NRXN2: variants seen among roughly 807,000 people sequenced by gnomAD.
NRXN2 encodes the protein neurexin 2.
Under a neutral mutation model 128.8 loss-of-function variants are expected in NRXN2, and 29 were observed. That is an observed-to-expected ratio of 0.23 (90% CI 0.17 to 0.31). The LOEUF is 0.31. Ranked by LOEUF, NRXN2 falls within the 10% of genes least tolerant of loss-of-function variation. The pLI is 1.00. For synonymous variants in NRXN2, 1,098 were observed against 1,075.2 expected, an observed-to-expected ratio of 1.02 and a Z score of -0.41; for missense variants, 1,881 against 2,452.6, an observed-to-expected ratio of 0.77 and a Z score of 4.92.
chr11:64,702,102 G>A (rs531286979), intron 2 of NRXN2, among the ~76,000 whole-genome samples: 80 of 147,476 alleles, frequency 5.4e-4, no homozygotes, highest in African/African-American at 1.9e-3. Flanking sequence ...CCCTCTGCCC[G>A]GCCAGCCGCC....
Position 64,608,038 on chromosome 11 carries a change from G to T in NRXN2, c.4297C>A (p.Pro1433Thr), listed in dbSNP as rs2039980437. Residue 1433 changes from proline to threonine, a missense_variant, in exon 23 of 23, where the codon CCC (proline) becomes ACC (threonine). Pro to Thr is a conservative substitution (Grantham distance 38). Coordinates refer to ENST00000265459, the MANE Select transcript of NRXN2 (RefSeq NM_015080.4). The part of the protein sequence containing the change: ...LPIITEDSLD[P>T]PPVATRSPFV... ...GGGGATCGGGTGGCCACGGGAGGGGGGTCTAAGGAGTCCTCCGTGATAATG... is the reference window on the plus strand; with the variant it reads ...GGGGATCGGGTGGCCACGGGAGGGGTGTCTAAGGAGTCCTCCGTGATAATG... 1.3e-6 allele frequency: 2 copies of T among 1,574,510 alleles called. No individual in the cohort carries two copies. Among genetic ancestry groups the T allele is most frequent in the Non-Finnish European group, 1.7e-6 (2 of 1,167,026 alleles).
In NRXN2 at chr11:64,606,406, T is replaced by G. The variant is rs1340538700; in HGVS notation, c.*790A>C. 3 of 152,250 alleles carry G rather than the reference T, an allele frequency of 2.0e-5. No individual in the cohort carries two copies. The highest frequency in any genetic ancestry group is 4.4e-5 in the Non-Finnish European group (3 of 68,068). The allele number at this position is 152,250 out of a possible 1,614,324, so 9.4% of individuals were successfully genotyped here. ...CTGCTCGTGGAATCTAGAGTATTTGTCTGTAATATATATCTGCATTTGCCT... is the reference window on the plus strand; with the variant it reads ...CTGCTCGTGGAATCTAGAGTATTTGGCTGTAATATATATCTGCATTTGCCT... On this transcript the variant is annotated 3_prime_UTR_variant, in exon 23 of 23. Coordinates refer to ENST00000265459, the MANE Select transcript of NRXN2 (RefSeq NM_015080.4).
intron 1 of NRXN2, among the ~76,000 whole-genome samples, chr11:64,719,185 G>A (rs2057373006): frequency 6.6e-6 from 1 of 152,120 alleles, no homozygotes; most frequent in Admixed American, 6.5e-5. Flanking sequence ...CGAGTGCCTA[G>A]TGTTTCCTCT....
At chr11:64,720,082 G>A (rs984379550) in intron 1 of NRXN2, among the ~76,000 whole-genome samples, 3 of 152,202 alleles carry the variant, frequency 2.0e-5, no homozygotes, top group Non-Finnish European at 4.4e-5. Flanking sequence ...CACTAGGTAG[G>A]GATGAGGATC....
intron 7 of NRXN2, among the ~76,000 whole-genome samples, chr11:64,673,880 T>C (rs1282886064): frequency 6.6e-6 from 1 of 151,842 alleles, no homozygotes; most frequent in Non-Finnish European, 1.5e-5. Context: ...TCTACTAAAA[T>C]ACAAAAAATT....
At position 64,622,475 on chromosome 11, in the gene NRXN2, A is replaced by AT. The variant is rs1396847603; in HGVS notation, c.4173+277dup. On this transcript the variant is annotated intron_variant, in intron 21 of 22. Transcript: ENST00000265459. This position sits in a 1 kb window ranked among gnomAD's most constrained non-coding sequence, Gnocchi z 4.3. Reference sequence around the variant, plus strand: ...CTTAGGTAGGGTGGTCTTCTCTCATATAACTGGGCCATCAAACTCCTCCCC... The same window carrying AT: ...CTTAGGTAGGGTGGTCTTCTCTCATATTAACTGGGCCATCAAACTCCTCCCC... Among the ~76,000 whole-genome samples, 2 of 152,198 alleles carry AT rather than the reference A, an allele frequency of 1.3e-5. No individual in the cohort carries two copies. The highest frequency in any genetic ancestry group is 2.4e-5 in the African/African-American group (1 of 41,452).
Position 64,635,376 on chromosome 11 carries a change from C to A in NRXN2, c.3480G>T (p.Thr1160=). Residue 1160 remains threonine, a synonymous_variant, in exon 18 of 23, where the codon ACG becomes ACT. Coordinates refer to ENST00000265459, the MANE Select transcript of NRXN2 (RefSeq NM_015080.4). This position sits in a 1 kb window ranked among gnomAD's most constrained non-coding sequence, Gnocchi z 4.8. ...AGCCCACGGCCAGGCGATCCATCCT[C>A]GTGCTGGGCCTGTCATTGGGGGGCC... The part of the protein sequence containing the change: ...YTWPPNDRPS[T]RMDRLAVGFS... 6.2e-7 allele frequency: 1 copy of A among 1,613,782 alleles called. No homozygotes were observed. The highest frequency in any genetic ancestry group is 8.5e-7 in the Non-Finnish European group (1 of 1,180,024).
Position 64,713,398 on chromosome 11 carries a change from A to C in NRXN2, c.302T>G (p.Leu101Arg). 6.7e-7 allele frequency: 1 copy of C among 1,482,570 alleles called. No individual in the cohort carries two copies. Among genetic ancestry groups the C allele is most frequent in the Non-Finnish European group, 8.9e-7 (1 of 1,121,402 alleles). The allele number at this position is 1,482,570 out of a possible 1,614,324, so 91.8% of individuals were successfully genotyped here. Residue 101 changes from leucine (L) to arginine (R), a missense_variant, in exon 2 of 23, where the codon CTG becomes CGG. Around this residue, in one of 7 missense-constraint regions of NRXN2, gnomAD observed 997 missense variants for 1,240.8 expected, o/e 0.80. Transcript: ENST00000265459. ...GTCGGCCACCGGCGTGTCCAGCTGC[A>C]GCGTGGCCGGCTCGGCGCACGAAAG... ...FTLSCAEPAT[L>R]QLDTPVADDR...
Position 64,650,652 on chromosome 11 carries a change from G to T in NRXN2, c.2919-14C>A. 6.2e-7 allele frequency: 1 copy of T among 1,613,804 alleles called. No homozygotes were observed. Among genetic ancestry groups the T allele is most frequent in the Non-Finnish European group, 8.5e-7 (1 of 1,179,704 alleles). ...TAGTGGATGTACCTGCCCCACAGTA[G>T]GGAGGAGACACTGGGTCAGGGCGGG... On this transcript the variant is annotated splice_polypyrimidine_tract_variant and intron_variant, in intron 14 of 22. Transcript: ENST00000265459.
intron 7 of NRXN2, among the ~76,000 whole-genome samples, chr11:64,674,204 T>C (rs1223757374): frequency 1.3e-5 from 2 of 152,030 alleles, no homozygotes; most frequent in Non-Finnish European, 2.9e-5. Flanking sequence ...TTTTGTTTTG[T>C]TTGGAGATGG....
intron 5 of NRXN2, among the ~76,000 whole-genome samples, chr11:64,689,349 C>T (rs1169547041): frequency 1.3e-5 from 2 of 151,948 alleles, no homozygotes; most frequent in African/African-American, 4.8e-5. Context: ...GGATTACAGG[C>T]ATGAGCCACC....
chr11:64,623,018 C>T lies in NRXN2; in HGVS notation c.3908G>A (p.Gly1303Asp), dbSNP rs772463642. The T allele has an allele frequency of 2.5e-6, 4 of 1,612,282 alleles. No homozygotes were observed. Among genetic ancestry groups the T allele is most frequent in the Non-Finnish European group, 2.5e-6 (3 of 1,179,572 alleles). ...GGACACCTGGCCCTGGAAGGGGCGG[C>T]CCTGATCCCGGCCCCCGATCTTGAT... The part of the protein sequence containing the change: ...AAIKIGGRDQ[G>D]RPFQGQVSGL... Residue 1303 changes from glycine to aspartate, a missense_variant, in exon 21 of 23, where the codon GGC becomes GAC. By Grantham distance (94) the Gly-to-Asp change is moderately conservative. Coordinates refer to ENST00000265459, the MANE Select transcript of NRXN2 (RefSeq NM_015080.4). This position sits in a 1 kb window ranked among gnomAD's most constrained non-coding sequence, Gnocchi z 4.9.
chr11:64,687,527 T>G (rs2053229586), intron 5 of NRXN2, among the ~76,000 whole-genome samples: 1 of 152,188 alleles, frequency 6.6e-6, no homozygotes, highest in South Asian at 2.1e-4. Context: ...GGTGGGGGCC[T>G]GGGCAACATC....
Position 64,623,230 on chromosome 11 carries a change from G to C in NRXN2, c.3848-152C>G. 7 of 1,290,350 alleles carry C rather than the reference G, an allele frequency of 5.4e-6. No individual in the cohort carries two copies. Among genetic ancestry groups the C allele is most frequent in the African/African-American group, 1.5e-5 (1 of 66,970 alleles). The allele number at this position is 1,290,350 out of a possible 1,614,324, so 79.9% of individuals were successfully genotyped here. A position where few individuals can be genotyped will look rare whatever the true frequency, so the allele number is the denominator to read the frequency against. ...GGGGACGGGGAGAAATGAGGAAGGG[G>C]CAGAAAGCCAAAGGGAAAGTCCTTG... On this transcript the variant is annotated intron_variant, in intron 20 of 22. Coordinates refer to ENST00000265459, the MANE Select transcript of NRXN2 (RefSeq NM_015080.4). The surrounding 1 kb of genome is among the most constrained non-coding windows in gnomAD (Gnocchi z 4.9).
In NRXN2 at chr11:64,607,512, T is replaced by G; in HGVS notation, c.4823A>C (p.His1608Pro). 6.3e-7 allele frequency: 1 copy of G among 1,591,192 alleles called. No homozygotes were observed. Among genetic ancestry groups the G allele is most frequent in the Non-Finnish European group, 8.5e-7 (1 of 1,171,430 alleles). ...PGVTSAPGFP[H>P]LPTANPTGPG... Reference sequence around the variant, plus strand: ...CCCTGTGGGGTTGGCTGTGGGCAGATGGGGGAAGCCGGGGGCTGAGGTCAC... The same window carrying G: ...CCCTGTGGGGTTGGCTGTGGGCAGAGGGGGGAAGCCGGGGGCTGAGGTCAC... Residue 1608 changes from histidine (H) to proline (P), a missense_variant, in exon 23 of 23, where the codon CAT becomes CCT. Coordinates refer to ENST00000265459, the MANE Select transcript of NRXN2 (RefSeq NM_015080.4).
chr11:64,661,469 G>A (rs2049020047), intron 9 of NRXN2: 1 of 1,147,522 alleles, frequency 8.7e-7, no homozygotes, highest in Admixed American at 3.4e-5. Flanking sequence ...CTTGAGCTCG[G>A]AAAGGGTTGG....
rs72927004 is a variant in NRXN2, at chr11:64,660,767, C to G, written c.2171G>C (p.Arg724Pro). The G allele has an allele frequency of 1.2e-6, 2 of 1,612,402 alleles. No homozygotes were observed. The highest frequency in any genetic ancestry group is 1.7e-5 in the Admixed American group (1 of 60,022). ...CDCIGTGFLG[R>P]VCEREATVLS... Reference sequence around the variant, plus strand: ...ACCAGCCTCACCTCTCTCACAGACCCGCCCAAGAAAGCCGGTCCCGATGCA... The same window carrying G: ...ACCAGCCTCACCTCTCTCACAGACCGGCCCAAGAAAGCCGGTCCCGATGCA... Residue 724 changes from arginine to proline, a missense_variant, in exon 10 of 23, where the codon CGG becomes CCG. Arg to Pro is a moderately radical substitution (Grantham distance 103). Around this residue, in one of 7 missense-constraint regions of NRXN2, gnomAD observed 997 missense variants for 1,240.8 expected, o/e 0.80. Transcript: ENST00000265459. This position sits in a 1 kb window ranked among gnomAD's most constrained non-coding sequence, Gnocchi z 5.2.
At chr11:64,649,987 A>G (rs1043370382) in intron 15 of NRXN2, among the ~76,000 whole-genome samples, 17 of 152,012 alleles carry the variant, frequency 1.1e-4, no homozygotes, top group Admixed American at 1.1e-3. Context: ...CCTAGGTCCA[A>G]AATGTCCCCA....
intron 6 of NRXN2, 59 bp from the exon 7 acceptor site, chr11:64,677,096 A>G (rs2051441666): frequency 1.7e-6 from 2 of 1,162,656 alleles, no homozygotes; most frequent in African/African-American, 1.5e-5. Flanking sequence ...AACAACAAAC[A>G]CAACAACAAA....
Sources: gnomAD v4.1 joint callset for allele counts (sites outside exome capture counted in the v4.1 genomes callset) on GRCh38, gnomAD v4.1.1 for gene constraint, gnomAD v4.1.1 regional missense constraint, Gnocchi (gnomAD v3.1) non-coding constraint, MANE v1.5 for transcripts, NCBI Gene and HGNC (gene_info 2026-07-23, HGNC 2026-07-21) for gene names.